DOCK9: variants seen among roughly 807,000 people sequenced by gnomAD.
The protein encoded by DOCK9 is dedicator of cytokinesis protein 9.
Under a neutral mutation model 263.3 loss-of-function variants are expected in DOCK9, and 89 were observed. The observed-to-expected ratio is 0.34, with a 90% confidence interval of 0.28 to 0.40. The LOEUF is 0.40. DOCK9 is among the 10% of genes least tolerant of loss of function. The probability of loss-of-function intolerance (pLI) is 1.00; values close to 1 mark genes in which losing one functional copy is unlikely to be tolerated. For missense variants in DOCK9, 2,140 were observed against 2,603.4 expected (o/e 0.82, Z 3.87); for synonymous variants, 976 against 973.1 (o/e 1.00, Z -0.06).
chr13:98,994,147 T>A (rs897121273), intron 1 of DOCK9, among the ~76,000 whole-genome samples: 3 of 152,264 alleles, frequency 2.0e-5, no homozygotes, highest in Non-Finnish European at 4.4e-5. Flanking sequence ...AAAAGTCTAC[T>A]GCAGGTGAAG....
intron 1 of DOCK9, among the ~76,000 whole-genome samples, chr13:98,983,074 A>C (rs1877586454): frequency 6.6e-6 from 1 of 152,210 alleles, no homozygotes; most frequent in Non-Finnish European, 1.5e-5. Context: ...TACTGTCTTT[A>C]TTAGGGGTTC....
chr13:99,060,062 CTTTTTTTTTTTTTTTTTT>C (rs71114576), intron 1 of DOCK9, among the ~76,000 whole-genome samples: 2 of 61,462 alleles, frequency 3.3e-5, no homozygotes, highest in Non-Finnish European at 5.5e-5. Context: ...ATTGTTTCTA[CTTTTTTTTTTTTTTTTTT>C]TTTTTTTTTT....
At chr13:98,821,869 G>T (rs1283330646) in intron 45 of DOCK9, among the ~76,000 whole-genome samples, 1 of 152,174 alleles carries the variant, frequency 6.6e-6, no homozygotes, top group Non-Finnish European at 1.5e-5. Flanking sequence ...TAATAATGTA[G>T]ATGAAAAGGG....
At chr13:98,830,756 C>T (rs2092726664) in intron 41 of DOCK9, among the ~76,000 whole-genome samples, 1 of 152,160 alleles carries the variant, frequency 6.6e-6, no homozygotes, top group East Asian at 1.9e-4. Flanking sequence ...AGACTACACT[C>T]CATGAGGGCT....
rs1157495892 is a variant in DOCK9, at chr13:98,846,545, C to T, written c.4062-485G>A. 6 of 1,352,008 alleles carry T rather than the reference C, an allele frequency of 4.4e-6. No homozygotes were observed. In the South Asian group the frequency reaches 6.8e-5, roughly 15 times the overall value. The allele number at this position is 1,352,008 out of a possible 1,614,324, so 83.8% of individuals were successfully genotyped here. ...CCAAGCAGGAAGGAGAAGAGCCACA[C>T]ACTTTGTTAAACTTGTCAGCAGTCA... On this transcript the variant is annotated intron_variant, in intron 37 of 52. Coordinates refer to ENST00000682017, the MANE Select transcript of DOCK9 (RefSeq NM_001366683.2).
intron 38 of DOCK9, among the ~76,000 whole-genome samples, chr13:98,843,396 T>C (rs1477319067): frequency 6.6e-6 from 1 of 152,202 alleles, no homozygotes; most frequent in Non-Finnish European, 1.5e-5. Context: ...TTCATGTACA[T>C]ACAGTATGCA....
At chr13:99,029,902 A>C (rs1426767376) in intron 1 of DOCK9, among the ~76,000 whole-genome samples, 2 of 152,268 alleles carry the variant, frequency 1.3e-5, no homozygotes, top group East Asian at 3.8e-4. Context: ...CAACTGGTAA[A>C]TGGATAAACA....
In DOCK9 at chr13:98,873,072, T is replaced by C. The variant is rs117763991; in HGVS notation, c.2944-4695A>G. Among the ~76,000 whole-genome samples, 100 of 152,334 alleles carry C rather than the reference T, an allele frequency of 6.6e-4. 1 individual carries two copies. The East Asian group carries it at 0.014, about 21-fold the overall frequency. ...TCACCTCTCTTACTTAGAATTCCAC[T>C]GTGGCCCAAGACGCTTCCTTCCTTC... On this transcript the variant is annotated intron_variant, in intron 27 of 52. Coordinates refer to ENST00000682017, the MANE Select transcript of DOCK9 (RefSeq NM_001366683.2).
chr13:98,880,426 C>A (rs1455541962), intron 26 of DOCK9, 121 bp downstream of exon 26: 3 of 1,301,846 alleles, frequency 2.3e-6, no homozygotes, highest in Non-Finnish European at 3.2e-6. Context: ...GAGAACACTA[C>A]CCCTTTTTAG....
At chr13:99,082,325 C>G (rs1185004528) in intron 1 of DOCK9, among the ~76,000 whole-genome samples, 1 of 151,992 alleles carries the variant, frequency 6.6e-6, no homozygotes, top group Non-Finnish European at 1.5e-5. Flanking sequence ...CAAAACCAGC[C>G]TGGCCAAATT....
At chr13:99,013,071 T>G (rs1055434993) in intron 1 of DOCK9, among the ~76,000 whole-genome samples, 3 of 152,122 alleles carry the variant, frequency 2.0e-5, no homozygotes, top group Non-Finnish European at 2.9e-5. Context: ...GAGCAGTGAA[T>G]AAAGCGTACA....
At chr13:98,984,712 T>A (rs1212896072) in intron 1 of DOCK9, among the ~76,000 whole-genome samples, 1 of 152,156 alleles carries the variant, frequency 6.6e-6, no homozygotes, top group African/African-American at 2.4e-5. Flanking sequence ...TTCTAGCCAC[T>A]CACTATGCCC....
At chr13:98,868,988 G>A (rs9517470) in intron 27 of DOCK9, among the ~76,000 whole-genome samples, 180 of 152,302 alleles carry the variant, frequency 1.2e-3, no homozygotes, top group South Asian at 4.6e-3. Flanking sequence ...GCCTGGCAGC[G>A]GGTGCAGGGA....
At position 98,807,662 on chromosome 13, in the gene DOCK9, T is replaced by C. The variant is rs1467482085; in HGVS notation, c.5513A>G (p.Lys1838Arg). Reference sequence around the variant, plus strand: ...AAACTTATCCAAACATGGTCATACCTTGCCAGAATCCTGTATCATTTTGAC... The same window carrying C: ...AAACTTATCCAAACATGGTCATACCCTGCCAGAATCCTGTATCATTTTGAC... The part of the protein sequence containing the change: ...ENVKMIQDSG[K>R]VNPKDLDSKY... Residue 1838 changes from lysine to arginine, a missense_variant and splice_region_variant, in exon 48 of 53, where the codon AAG becomes AGG. Lys to Arg is a conservative substitution (Grantham distance 26, BLOSUM62 2). This residue lies in a region of DOCK9 where 619 missense variants were observed against 861.8 expected (regional missense o/e 0.72). Transcript: ENST00000682017. The C allele has an allele frequency of 1.9e-5, 31 of 1,603,202 alleles. No individual in the cohort carries two copies. The highest frequency in any genetic ancestry group is 2.5e-5 in the Non-Finnish European group (29 of 1,172,410).
exon 1 of DOCK9, chr13:99,086,300 G>A (rs117633128): frequency 0.1 from 154,325 of 1,488,694 alleles, 8,545 homozygotes; most frequent in Admixed American, 0.15. Flanking sequence ...CTCAGCGCCC[G>A]GGTGAACTTC....
chr13:98,886,408 A>C, intron 19 of DOCK9, 124 bp downstream of exon 19: 1 of 587,314 alleles, frequency 1.7e-6, no homozygotes, highest in Non-Finnish European at 3.0e-6. Context: ...TTCAACATGC[A>C]GTTCTAGCTC....
intron 27 of DOCK9, among the ~76,000 whole-genome samples, chr13:98,874,456 C>A (rs2094275581): frequency 2.6e-5 from 4 of 152,184 alleles, no homozygotes; most frequent in Admixed American, 2.0e-4. Context: ...TGCACATTTG[C>A]ATTTAGGTCT....
In DOCK9 at chr13:98,884,878, T is replaced by G. The variant is rs373127359; in HGVS notation, c.2382+93A>C. 3,143 of 1,394,596 alleles carry G rather than the reference T, an allele frequency of 2.3e-3. 104 individuals are homozygous for G. The South Asian group carries it at 0.04, about 18-fold the overall frequency. 86.4% of individuals were successfully genotyped at this position (1,394,596 alleles called of 1,614,324 possible). ...TATCAAAATGGTGGAAGAGCAAAAA[T>G]ACTGTTTGCTTTTTGTGTGTTATTG... On this transcript the variant is annotated intron_variant, in intron 21 of 52. Coordinates refer to ENST00000682017, the MANE Select transcript of DOCK9 (RefSeq NM_001366683.2).
intron 27 of DOCK9, among the ~76,000 whole-genome samples, chr13:98,873,218 T>G (rs2094235546): frequency 6.6e-6 from 1 of 152,084 alleles, no homozygotes. Context: ...GCATGACTAC[T>G]CCTATCTGTT....
Sources: allele counts gnomAD v4.1 joint callset (sites outside exome capture counted in the v4.1 genomes callset), GRCh38; gene constraint gnomAD v4.1.1; regional missense constraint gnomAD v4.1.1; transcripts MANE v1.5; gene names NCBI Gene and HGNC (gene_info 2026-07-23, HGNC 2026-07-21).